ZNF536: variants seen among roughly 807,000 people sequenced by gnomAD.
ZNF536 encodes zinc finger protein 536.
ZNF536 carries 13 observed loss-of-function variants against 84.5 expected under a neutral mutation model. That is an observed-to-expected ratio of 0.15 (90% CI 0.10 to 0.24). The LOEUF is 0.24. Among genes scored for constraint, ZNF536 ranks in the 10% least tolerant of loss-of-function variants. The probability of loss-of-function intolerance (pLI) is 1.00; values close to 1 mark genes in which losing one functional copy is unlikely to be tolerated. For missense variants in ZNF536, 1,536 were observed against 1,747.5 expected (o/e 0.88, Z 2.16); for synonymous variants, 811 against 742.5 (o/e 1.09, Z -1.50).
At chr19:30,256,930 A>G (rs2024945703) in intron 1 of ZNF536, among the ~76,000 whole-genome samples, 1 of 152,188 alleles carries the variant, frequency 6.6e-6, no homozygotes, top group South Asian at 2.1e-4. Flanking sequence ...CATTTTGGTA[A>G]TTATATCAAT....
Position 30,552,601 on chromosome 19 carries a change from A to G in ZNF536, c.3895+3087A>G, listed in dbSNP as rs908544416. On this transcript the variant is annotated intron_variant, in intron 4 of 4. Coordinates refer to ENST00000355537, the MANE Select transcript of ZNF536 (RefSeq NM_014717.3). Reference sequence around the variant, plus strand: ...TCATATTGCAGGCTGTACTTTCAGGATCTTCCATCATTTCTGCATGCCTTC... The same window carrying G: ...TCATATTGCAGGCTGTACTTTCAGGGTCTTCCATCATTTCTGCATGCCTTC... Among the ~76,000 whole-genome samples, 37 of 152,160 alleles carry G rather than the reference A, an allele frequency of 2.4e-4. 1 individual carries two copies. The highest frequency in any genetic ancestry group is 6.5e-5 in the Admixed American group (1 of 15,280).
At chr19:30,239,736 A>G (rs567913474) in intron 1 of ZNF536, among the ~76,000 whole-genome samples, 277 of 152,324 alleles carry the variant, frequency 1.8e-3, no homozygotes, top group Non-Finnish European at 2.5e-3. Flanking sequence ...CCCATGCTCA[A>G]TAGGCATCTC....
chr19:30,701,564 C>T (rs1380608321), intron 1 of ZNF536, among the ~76,000 whole-genome samples: 2 of 152,024 alleles, frequency 1.3e-5, no homozygotes, highest in African/African-American at 4.8e-5. Context: ...CACAAACACA[C>T]ACACATACAC....
intron 1 of ZNF536, among the ~76,000 whole-genome samples, chr19:30,392,278 G>C (rs1416348705): frequency 6.6e-6 from 1 of 152,206 alleles, no homozygotes; most frequent in African/African-American, 2.4e-5. Flanking sequence ...CCCCTGGGGC[G>C]AGGGAGGTAG....
intron 1 of ZNF536, among the ~76,000 whole-genome samples, chr19:30,602,181 G>A (rs1390374495): frequency 6.6e-6 from 1 of 152,228 alleles, no homozygotes; most frequent in Non-Finnish European, 1.5e-5. Context: ...AAGGCAGGTG[G>A]ATATTCACAT....
At position 30,526,555 on chromosome 19, in the gene ZNF536, T is replaced by C. The variant is rs1000300877; in HGVS notation, c.2171-8292T>C. 2.9e-4 allele frequency among the ~76,000 whole-genome samples: 41 copies of C among 141,502 alleles called. 1 individual carries two copies. Among genetic ancestry groups the C allele is most frequent in the Admixed American group, 2.7e-3 (38 of 14,122 alleles). 92.8% of individuals were successfully genotyped at this position (141,502 alleles called of 152,430 possible). A position where few individuals can be genotyped will look rare whatever the true frequency, so the allele number is the denominator to read the frequency against. ...CCGGCTAAAACGGTGAAACCCCGTC[T>C]CTACTAAAAATACAAAAAATTAGCC... On this transcript the variant is annotated intron_variant, in intron 2 of 4. Transcript: ENST00000355537.
At chr19:30,359,714 A>G (rs983190483) in intron 3 of ZNF536, among the ~76,000 whole-genome samples, 2 of 152,150 alleles carry the variant, frequency 1.3e-5, no homozygotes, top group Non-Finnish European at 2.9e-5. Flanking sequence ...CACTTGGGTA[A>G]GGGCTGCTTG....
At chr19:30,482,114 GCTATA>G (rs1208587212) in intron 2 of ZNF536, among the ~76,000 whole-genome samples, 3 of 152,142 alleles carry the variant, frequency 2.0e-5, no homozygotes, top group Non-Finnish European at 4.4e-5. Flanking sequence ...AAATTGTGCT[GCTATA>G]AATGTGTGTG....
intron 1 of ZNF536, among the ~76,000 whole-genome samples, chr19:30,419,694 G>A (rs1265619800): frequency 6.6e-6 from 1 of 152,216 alleles, no homozygotes; most frequent in Non-Finnish European, 1.5e-5. Context: ...GGCCAGCAGT[G>A]TGAGGAGCAG....
intron 1 of ZNF536, among the ~76,000 whole-genome samples, chr19:30,272,963 A>T (rs775330569): frequency 6.6e-6 from 1 of 152,112 alleles, no homozygotes; most frequent in African/African-American, 2.4e-5. Context: ...CCCAGGCTGG[A>T]GTGCAGCAGC....
At chr19:30,464,533 A>T (rs1310909604) in intron 2 of ZNF536, among the ~76,000 whole-genome samples, 5 of 152,072 alleles carry the variant, frequency 3.3e-5, no homozygotes, top group African/African-American at 1.2e-4. Context: ...CATGAATTGG[A>T]TGAAAATCAT....
At chr19:30,329,774 G>C (rs1450268822) in intron 2 of ZNF536, among the ~76,000 whole-genome samples, 2 of 152,118 alleles carry the variant, frequency 1.3e-5, no homozygotes, top group Non-Finnish European at 2.9e-5. Flanking sequence ...TTAAAATGGA[G>C]ATTTATTACT....
At chr19:30,424,729 A>T (rs1247476322) in intron 1 of ZNF536, among the ~76,000 whole-genome samples, 1 of 152,156 alleles carries the variant, frequency 6.6e-6, no homozygotes, top group East Asian at 1.9e-4. Flanking sequence ...ACATAGCTAA[A>T]ATCACTTCTC....
intron 1 of ZNF536, among the ~76,000 whole-genome samples, chr19:30,690,372 G>A (rs2051359596): frequency 6.6e-6 from 1 of 152,182 alleles, no homozygotes; most frequent in Admixed American, 6.5e-5. Flanking sequence ...ATTTGAAAGG[G>A]ATTTGAATCC....
chr19:30,622,450 A>C (rs1220676145), intron 1 of ZNF536, among the ~76,000 whole-genome samples: 1 of 152,372 alleles, frequency 6.6e-6, no homozygotes. Flanking sequence ...GCAGGGCCTC[A>C]TGCCCACCGG....
At chr19:30,674,025 T>C (rs2050663246) in intron 1 of ZNF536, among the ~76,000 whole-genome samples, 1 of 152,134 alleles carries the variant, frequency 6.6e-6, no homozygotes, top group African/African-American at 2.4e-5. Flanking sequence ...ATGGTCAGAT[T>C]TATGGGTTTG....
intron 1 of ZNF536, among the ~76,000 whole-genome samples, chr19:30,266,981 C>G (rs1046534779): frequency 2.0e-5 from 3 of 152,108 alleles, no homozygotes; most frequent in African/African-American, 7.2e-5. Flanking sequence ...GAAATGCATC[C>G]TAGTAGTTGT....
In ZNF536 at chr19:30,296,987, G is replaced by T. The variant is rs62101880; in HGVS notation, c.-120+12846G>T. Among the ~76,000 whole-genome samples the T allele has an allele frequency of 4.2e-3, 644 of 152,292 alleles. 1 individual carries two copies. Among genetic ancestry groups the T allele is most frequent in the Non-Finnish European group, 4.7e-3 (319 of 68,028 alleles). On this transcript the variant is annotated intron_variant, in intron 2 of 5. Transcript: ENST00000585628. The stretch of plus-strand genomic sequence containing the variant: ...TGAGAGTAAAACTTCCAGAAGAAAA[G>T]CTTCCTATGAGGTGTTTGAGATGCT...
At chr19:30,435,191 A>C (rs897627093) in intron 1 of ZNF536, among the ~76,000 whole-genome samples, 1 of 149,744 alleles carries the variant, frequency 6.7e-6, no homozygotes, top group African/African-American at 2.5e-5. Context: ...GCTGCTGATG[A>C]TGATGCTGAT....
Sources: allele counts gnomAD v4.1 joint callset (sites outside exome capture counted in the v4.1 genomes callset), GRCh38; gene constraint gnomAD v4.1.1; transcripts MANE v1.5; gene names NCBI Gene and HGNC (gene_info 2026-07-23, HGNC 2026-07-21).